The following TBCD variants were observed in gnomAD, a reference collection of about 807,000 sequenced individuals.
The protein encoded by TBCD is tubulin folding cofactor D.
Under a neutral mutation model 169.3 loss-of-function variants are expected in TBCD, and 105 were observed. The observed-to-expected ratio is 0.62, with a 90% CI of 0.53 to 0.73. TBCD has a LOEUF of 0.73. Ranked by LOEUF, TBCD falls within the 30% of genes least tolerant of loss-of-function variation. The pLI is 0.00. For missense variants in TBCD, 1,444 were observed against 1,600.1 expected (o/e 0.90, Z 1.66); for synonymous variants, 700 against 643.9 (o/e 1.09, Z -1.32).
In TBCD at chr17:82,942,524, G is replaced by T. The variant is rs767261835; in HGVS notation, c.*61G>T. On this transcript the variant is annotated 3_prime_UTR_variant, in exon 39 of 39. Transcript: ENST00000355528. ...GTGAGGATGTCTTGTTCCTGAGGGA[G>T]GCCGGTGTGGAAAGCCTCGCACAGT... is the stretch of plus-strand genomic sequence containing the variant. 1 of 1,612,392 alleles carries T rather than the reference G, an allele frequency of 6.2e-7. No individual in the cohort carries two copies. Among genetic ancestry groups the T allele is most frequent in the South Asian group, 1.1e-5 (1 of 90,988 alleles).
At chr17:82,854,042 A>G (rs2056042881) in intron 13 of TBCD, among the ~76,000 whole-genome samples, 1 of 152,180 alleles carries the variant, frequency 6.6e-6, no homozygotes, top group Non-Finnish European at 1.5e-5. Context: ...ACGAATATTC[A>G]GAGCCAACAG....
rs939119768 is a variant in TBCD, at chr17:82,880,784, C to T, written c.1476-3361C>T. On this transcript the variant is annotated intron_variant, in intron 14 of 38. Transcript: ENST00000355528. The surrounding 1 kb of genome is among the most constrained non-coding windows in gnomAD (Gnocchi z 5.0). Reference sequence around the variant, plus strand: ...TGGGCGGGGAGGACGCAGGGTCTGTCGGAGCATAGCAGTGGCCCGTACGTG... The same window carrying T: ...TGGGCGGGGAGGACGCAGGGTCTGTTGGAGCATAGCAGTGGCCCGTACGTG... Among the ~76,000 whole-genome samples, 12 of 152,174 alleles carry T rather than the reference C, an allele frequency of 7.9e-5. No individual in the cohort carries two copies. Among genetic ancestry groups the T allele is most frequent in the South Asian group, 2.1e-4 (1 of 4,830 alleles).
At chr17:82,768,359 TGTGGCCA>T (rs1172396166) in intron 4 of TBCD, 54 bp from the exon 5 acceptor site, 1 of 1,600,442 alleles carries the variant, frequency 6.2e-7, no homozygotes, top group East Asian at 2.2e-5. Flanking sequence ...TTGAGTAGAT[TGTGGCCA>T]GTGGCCTGTG....
intron 12 of TBCD, among the ~76,000 whole-genome samples, chr17:82,814,348 A>C (rs976873680): frequency 2.0e-5 from 3 of 152,168 alleles, no homozygotes; most frequent in African/African-American, 7.2e-5. Flanking sequence ...GAGCGACACC[A>C]CTGTGGTGGG....
intron 35 of TBCD, 51 bp downstream of exon 35, chr17:82,937,411 C>T: frequency 9.0e-6 from 14 of 1,562,830 alleles, no homozygotes; most frequent in Non-Finnish European, 1.1e-5. Context: ...GCGCAGCCTC[C>T]CTTGGCTGAG....
intron 5 of TBCD, among the ~76,000 whole-genome samples, chr17:82,769,800 C>G (rs180925085): frequency 2.0e-5 from 3 of 150,928 alleles, no homozygotes; most frequent in African/African-American, 4.9e-5. Context: ...TCCCTTGAAC[C>G]TGGGAGGTGG....
intron 9 of TBCD, among the ~76,000 whole-genome samples, chr17:82,805,416 C>T (rs117542937): frequency 0.017 from 2,524 of 152,204 alleles, 28 homozygotes; most frequent in Non-Finnish European, 0.026. Flanking sequence ...GAGGGGCATT[C>T]GGGAGGCAGG....
chr17:82,782,674 A>G lies in TBCD; in HGVS notation c.771+953A>G, dbSNP rs550005386. On this transcript the variant is annotated intron_variant, in intron 7 of 38. Coordinates refer to ENST00000355528, the MANE Select transcript of TBCD (RefSeq NM_005993.5). This position sits in a 1 kb window ranked among gnomAD's most constrained non-coding sequence, Gnocchi z 5.1. The stretch of plus-strand genomic sequence containing the variant: ...CACTTTGGAGCGCGTTTTAGGGGAG[A>G]TGATGAGTGCCACCTCGCCACGGCG... Among the ~76,000 whole-genome samples the G allele has an allele frequency of 1.3e-5, 2 of 152,178 alleles. No homozygotes were observed. Among genetic ancestry groups the G allele is most frequent in the African/African-American group, 4.8e-5 (2 of 41,528 alleles).
At chr17:82,925,402 C>T (rs569082438) in intron 27 of TBCD, among the ~76,000 whole-genome samples, 11 of 152,306 alleles carry the variant, frequency 7.2e-5, no homozygotes, top group East Asian at 5.8e-4. Context: ...TGGTTGCGGC[C>T]GTGCATCCTG....
intron 13 of TBCD, among the ~76,000 whole-genome samples, chr17:82,862,638 G>A (rs529521004): frequency 2.6e-5 from 4 of 152,286 alleles, no homozygotes; most frequent in Admixed American, 1.3e-4. Flanking sequence ...GTTATTTTTC[G>A]ATCTGAGGGT....
In TBCD at chr17:82,789,264, G is replaced by T. The variant is rs911980101; in HGVS notation, c.771+7543G>T. Among the ~76,000 whole-genome samples, 22 of 152,220 alleles carry T rather than the reference G, an allele frequency of 1.4e-4. No homozygotes were observed. The highest frequency in any genetic ancestry group is 5.1e-4 in the African/African-American group (21 of 41,464). On this transcript the variant is annotated intron_variant, in intron 7 of 38. Transcript: ENST00000355528. The surrounding 1 kb of genome is among the most constrained non-coding windows in gnomAD (Gnocchi z 4.8). ...CATTTCCCATCACTCAGCATTTTAT[G>T]TGGGGCGGGCACAGTGCCGTGAGTC...
chr17:82,889,771 A>T lies in TBCD; in HGVS notation c.1563+74A>T. 6.4e-7 allele frequency: 1 copy of T among 1,565,882 alleles called. No individual in the cohort carries two copies. The highest frequency in any genetic ancestry group is 8.7e-7 in the Non-Finnish European group (1 of 1,142,956). On this transcript the variant is annotated intron_variant, in intron 16 of 38. Coordinates refer to ENST00000355528, the MANE Select transcript of TBCD (RefSeq NM_005993.5). This position sits in a 1 kb window ranked among gnomAD's most constrained non-coding sequence, Gnocchi z 5.3. ...ATAGGTAGGAATCTTGAGAGCTATA[A>T]CCCTGGTGTCTTCTCGCACTGTGAG... is the stretch of plus-strand genomic sequence containing the variant.
intron 2 of TBCD, among the ~76,000 whole-genome samples, chr17:82,763,717 G>A (rs1324098354): frequency 2.0e-5 from 3 of 152,070 alleles, no homozygotes; most frequent in Non-Finnish European, 4.4e-5. Context: ...CTCCAGCCTG[G>A]GGGACAGAGC....
At position 82,806,176 on chromosome 17, in the gene TBCD, C is replaced by T. The variant is rs1001300870; in HGVS notation, c.1087+165C>T. The stretch of plus-strand genomic sequence containing the variant: ...CTGCCCGTCCTCTGGCTCCTGAACC[C>T]AGGCCTGTCCCTGACCATGGACAGT... On this transcript the variant is annotated intron_variant, in intron 10 of 38. Transcript: ENST00000355528. This position sits in a 1 kb window ranked among gnomAD's most constrained non-coding sequence, Gnocchi z 5.1. 2.6e-5 allele frequency among the ~76,000 whole-genome samples: 4 copies of T among 152,152 alleles called. No homozygotes were observed. The highest frequency in any genetic ancestry group is 5.9e-5 in the Non-Finnish European group (4 of 68,022).
intron 13 of TBCD, chr17:82,859,610 G>A (rs2145786065): frequency 1.0e-6 from 1 of 985,466 alleles, no homozygotes; most frequent in East Asian, 1.1e-4. Flanking sequence ...CCAAGTGTGA[G>A]CCCTGTAGTG....
chr17:82,832,016 G>A lies in TBCD; in HGVS notation c.1318+17082G>A. The A allele has an allele frequency of 6.2e-7, 1 of 1,612,628 alleles. No individual in the cohort carries two copies. Among genetic ancestry groups the A allele is most frequent in the Admixed American group, 1.7e-5 (1 of 59,998 alleles). Reference sequence around the variant, plus strand: ...CCTTCCAGAGCAGGCTGGGCACCGAGGGCGGCTTCCGGAGCTGGGCTCTTG... The same window carrying A: ...CCTTCCAGAGCAGGCTGGGCACCGAAGGCGGCTTCCGGAGCTGGGCTCTTG... On this transcript the variant is annotated intron_variant, in intron 13 of 38. Coordinates refer to ENST00000355528, the MANE Select transcript of TBCD (RefSeq NM_005993.5). This position sits in a 1 kb window ranked among gnomAD's most constrained non-coding sequence, Gnocchi z 4.9.
chr17:82,926,585 A>T (rs908364132), intron 28 of TBCD, 94 bp downstream of exon 28: 6 of 1,029,490 alleles, frequency 5.8e-6, no homozygotes, highest in Non-Finnish European at 8.8e-6. Flanking sequence ...GGCAGGACTT[A>T]TGATTCTTCA....
chr17:82,851,795 G>A (rs528619079), intron 13 of TBCD, among the ~76,000 whole-genome samples: 203 of 152,354 alleles, frequency 1.3e-3, no homozygotes, highest in Non-Finnish European at 2.5e-3. Context: ...TGCAGCCACC[G>A]TGGAGATGGA....
intron 15 of TBCD, among the ~76,000 whole-genome samples, chr17:82,887,833 G>C (rs1014765987): frequency 1.3e-5 from 2 of 152,204 alleles, no homozygotes; most frequent in Non-Finnish European, 2.9e-5. Context: ...CTGCGTTTCT[G>C]TCATGCCTGA....
Sources: allele counts gnomAD v4.1 joint callset (sites outside exome capture counted in the v4.1 genomes callset), GRCh38; gene constraint gnomAD v4.1.1; non-coding constraint Gnocchi (gnomAD v3.1); transcripts MANE v1.5; gene names NCBI Gene and HGNC (gene_info 2026-07-23, HGNC 2026-07-21).